The following SYN3 variants were observed in gnomAD, a reference collection of about 807,000 sequenced individuals.
SYN3 encodes synapsin-3.
SYN3 carries 35 observed loss-of-function variants against 65.8 expected under a neutral mutation model. The observed-to-expected ratio is 0.53, with a 90% CI of 0.41 to 0.70. SYN3 has a LOEUF of 0.70. Ranked by LOEUF, SYN3 falls within the 30% of genes least tolerant of loss-of-function variation. The probability of loss-of-function intolerance (pLI) is 0.00; values close to 1 mark genes in which losing one functional copy is unlikely to be tolerated. For synonymous variants in SYN3, 270 were observed against 292.9 expected (o/e 0.92, Z 0.80); for missense variants, 680 against 749.0 (o/e 0.91, Z 1.08).
intron 6 of SYN3, among the ~76,000 whole-genome samples, chr22:32,698,372 T>C (rs1194338248): frequency 6.6e-6 from 1 of 152,172 alleles, no homozygotes; most frequent in African/African-American, 2.4e-5. Flanking sequence ...TCTTACCTTA[T>C]CAGAATTGTG....
At chr22:32,880,812 C>G (rs902101063) in intron 4 of SYN3, among the ~76,000 whole-genome samples, 1 of 152,200 alleles carries the variant, frequency 6.6e-6, no homozygotes, top group East Asian at 1.9e-4. Flanking sequence ...ACAAGTTGCG[C>G]GTCTCGTAAA....
At chr22:32,537,216 A>AT (rs2058180666) in intron 9 of SYN3, among the ~76,000 whole-genome samples, 3 of 151,670 alleles carry the variant, frequency 2.0e-5, no homozygotes, top group Admixed American at 2.0e-4. Flanking sequence ...CTGGAGTTCA[A>AT]TGGCACGATC....
chr22:32,724,536 T>C (rs1256106586), intron 6 of SYN3, among the ~76,000 whole-genome samples: 1 of 152,224 alleles, frequency 6.6e-6, no homozygotes, highest in East Asian at 1.9e-4. Flanking sequence ...TAACATTACT[T>C]ATCTAATAGG....
At chr22:32,688,655 AT>A (rs1229202742) in intron 6 of SYN3, among the ~76,000 whole-genome samples, 2,774 of 148,198 alleles carry the variant, frequency 0.019, 39 homozygotes, top group Middle Eastern at 0.045. Flanking sequence ...TTTCAAAGAG[AT>A]TTTTTTTTTT....
intron 6 of SYN3, among the ~76,000 whole-genome samples, chr22:32,825,243 T>A (rs1044577119): frequency 3.3e-5 from 5 of 152,176 alleles, no homozygotes; most frequent in East Asian, 3.8e-4. Flanking sequence ...GTCTGCAGGG[T>A]GGCCAGCTGA....
chr22:32,565,476 C>T (rs2058660193), intron 7 of SYN3, among the ~76,000 whole-genome samples: 1 of 150,350 alleles, frequency 6.7e-6, no homozygotes, highest in Admixed American at 6.7e-5. Context: ...TACGTATATA[C>T]ATATATAAAA....
rs1435857099 is a variant in SYN3, at chr22:32,512,473, T to G, written c.*1219A>C. ...TGTCTAAGCATGAGAGGCAGACTGG[T>G]ATAGGGGAAAGAGCACTGGGAAGGG... On this transcript the variant is annotated 3_prime_UTR_variant, in exon 14 of 14. Coordinates refer to ENST00000358763, the MANE Select transcript of SYN3 (RefSeq NM_003490.4). 1.3e-5 allele frequency: 2 copies of G among 152,150 alleles called. No homozygotes were observed. The highest frequency in any genetic ancestry group is 2.9e-5 in the Non-Finnish European group (2 of 68,028). 9.4% of individuals were successfully genotyped at this position (152,150 alleles called of 1,614,324 possible).
rs2048159184 is a variant in SYN3 at position 32,849,496 on chromosome 22, C to T, written c.711+15419G>A. 1 of 1,613,716 alleles carries T rather than the reference C, an allele frequency of 6.2e-7. No homozygotes were observed. Among genetic ancestry groups the T allele is most frequent in the Non-Finnish European group, 8.5e-7 (1 of 1,179,856 alleles). Reference sequence around the variant, plus strand: ...GGGGAAGAAGCTGGTAAAGGAGGGGCCCTTCGGCACGCTGGTCTACACCAT... The same window carrying T: ...GGGGAAGAAGCTGGTAAAGGAGGGGTCCTTCGGCACGCTGGTCTACACCAT... On this transcript the variant is annotated intron_variant, in intron 6 of 13. Coordinates refer to ENST00000358763, the MANE Select transcript of SYN3 (RefSeq NM_003490.4).
rs111594551 is a variant in SYN3, at chr22:32,541,467, A to G, written c.917+104T>C. On this transcript the variant is annotated intron_variant, in intron 8 of 13. Transcript: ENST00000358763. Reference sequence around the variant, plus strand: ...GAAGAAGGGCAGTAAGGAGACAGGAAGGAGGATAATGATGCACCCTTGGGT... The same window carrying G: ...GAAGAAGGGCAGTAAGGAGACAGGAGGGAGGATAATGATGCACCCTTGGGT... 8.6e-5 allele frequency: 120 copies of G among 1,398,388 alleles called. No homozygotes were observed. The African/African-American group carries it at 1.2e-3, about 14-fold the overall frequency. 86.6% of individuals were successfully genotyped at this position (1,398,388 alleles called of 1,614,324 possible).
At chr22:32,645,303 T>C (rs1267440618) in intron 6 of SYN3, among the ~76,000 whole-genome samples, 1 of 151,810 alleles carries the variant, frequency 6.6e-6, no homozygotes, top group Non-Finnish European at 1.5e-5. Flanking sequence ...AATACAAAAT[T>C]AGCCGGGCAT....
intron 6 of SYN3, chr22:32,859,536 A>C: frequency 2.2e-6 from 2 of 917,866 alleles, no homozygotes; most frequent in Non-Finnish European, 1.6e-6. Flanking sequence ...TATGGGGTTT[A>C]TTGGGAACTA....
chr22:32,929,453 T>C (rs1352008387), intron 4 of SYN3, among the ~76,000 whole-genome samples: 3 of 152,238 alleles, frequency 2.0e-5, no homozygotes, highest in African/African-American at 7.2e-5. Context: ...TTGTCTATTG[T>C]TCCTGTTTCA....
chr22:32,596,521 G>C (rs2059202214), intron 7 of SYN3, among the ~76,000 whole-genome samples, 153 bp downstream of exon 7: 2 of 152,180 alleles, frequency 1.3e-5, no homozygotes, highest in Admixed American at 1.3e-4. Flanking sequence ...AAGGTGGGCT[G>C]GGAGGGGAAG....
At position 32,803,183 on chromosome 22, in the gene SYN3, G is replaced by A. The variant is rs546372489; in HGVS notation, c.711+61732C>T. 3.3e-5 allele frequency among the ~76,000 whole-genome samples: 5 copies of A among 152,062 alleles called. No homozygotes were observed. The South Asian group carries it at 8.3e-4, about 25-fold the overall frequency. On this transcript the variant is annotated intron_variant, in intron 6 of 13. Transcript: ENST00000358763. ...GTGTGTGCACTGGGCTGGGCTGGGC[G>A]GTGGGGTGGGACAGCCTTGCCGCCC...
chr22:32,614,922 C>T (rs925902785), intron 6 of SYN3, among the ~76,000 whole-genome samples: 1 of 151,966 alleles, frequency 6.6e-6, no homozygotes, highest in Non-Finnish European at 1.5e-5. Context: ...ATGGAAACAG[C>T]CCCTGACTCC....
intron 3 of SYN3, among the ~76,000 whole-genome samples, chr22:32,968,135 C>G (rs545355241): frequency 7.2e-5 from 11 of 152,346 alleles, no homozygotes; most frequent in African/African-American, 2.6e-4. Flanking sequence ...TCATGTGGGT[C>G]TGACTCCATC....
chr22:32,672,606 T>C (rs2060386280), intron 6 of SYN3, among the ~76,000 whole-genome samples: 1 of 152,216 alleles, frequency 6.6e-6, no homozygotes, highest in Non-Finnish European at 1.5e-5. Context: ...GGCTGCTATG[T>C]CCCTCCGCCT....
intron 2 of SYN3, among the ~76,000 whole-genome samples, chr22:32,992,649 C>T (rs138242508): frequency 4.7e-4 from 71 of 152,212 alleles, no homozygotes; most frequent in Admixed American, 1.2e-3. Flanking sequence ...CCCGTCCCTA[C>T]TAAAAATACA....
chr22:32,599,974 C>A (rs2059258635), intron 6 of SYN3, among the ~76,000 whole-genome samples: 1 of 151,890 alleles, frequency 6.6e-6, no homozygotes, highest in Non-Finnish European at 1.5e-5. Context: ...CAGAGCCCAA[C>A]ATTTTTGGCA....
Sources: allele counts gnomAD v4.1 joint callset (sites outside exome capture counted in the v4.1 genomes callset), GRCh38; gene constraint gnomAD v4.1.1; transcripts MANE v1.5; gene names NCBI Gene and HGNC (gene_info 2026-07-23, HGNC 2026-07-21).